Variants in NCAN observed in about 807,000 individuals in gnomAD.
NCAN encodes the protein neurocan, also known as neurocan core protein.
Under a neutral mutation model 121.8 loss-of-function variants are expected in NCAN, and 47 were observed. The ratio of observed to expected loss-of-function variants is 0.39; its 90% CI spans 0.31 to 0.49. The LOEUF (loss-of-function observed/expected upper bound fraction) is 0.49. Among genes scored for constraint, NCAN ranks in the 20% least tolerant of loss-of-function variants. The pLI is 0.92. For synonymous variants in NCAN, 633 were observed against 702.0 expected (o/e 0.90, Z 1.55); for missense variants, 1,517 against 1,773.4 (o/e 0.86, Z 2.60).
intron 8 of NCAN, among the ~76,000 whole-genome samples, chr19:19,233,168 A>C (rs950546723): frequency 1.3e-5 from 2 of 152,110 alleles, no homozygotes; most frequent in African/African-American, 4.8e-5. Flanking sequence ...TCCTGACCTC[A>C]GGTGATCCAC....
rs763050843 is a variant in NCAN at position 19,226,650 on chromosome 19, G to A, written c.1237G>A (p.Glu413Lys). 2 of 1,613,896 alleles carry A rather than the reference G, an allele frequency of 1.2e-6. No homozygotes were observed. The part of the protein sequence containing the change: ...DFQEPLVSSG[E>K]EETLILEEKQ... ...CCAGGAGCCTCTGGTGTCCAGTGGG[G>A]AAGAAGAAACCCTGATTTTGGAGGA... Residue 413 changes from glutamate to lysine, a missense_variant, in exon 7 of 15, where the codon GAA becomes AAA. By Grantham distance (56) the Glu-to-Lys change is moderately conservative. Coordinates refer to ENST00000252575, the MANE Select transcript of NCAN (RefSeq NM_004386.3).
chr19:19,243,991 A>G (rs1392486545), intron 12 of NCAN, among the ~76,000 whole-genome samples: 1 of 152,190 alleles, frequency 6.6e-6, no homozygotes, highest in Non-Finnish European at 1.5e-5. Flanking sequence ...AGATCGCACC[A>G]CTACACTCCA....
At chr19:19,226,377 G>A in intron 6 of NCAN, 109 bp from the exon 7 acceptor site, 1 of 882,732 alleles carries the variant, frequency 1.1e-6, no homozygotes, top group Non-Finnish European at 1.7e-6. Flanking sequence ...GAGAGACAGA[G>A]GTACACAGAA....
At chr19:19,216,405 G>A (rs928542651) in intron 1 of NCAN, among the ~76,000 whole-genome samples, 20 of 151,614 alleles carry the variant, frequency 1.3e-4, no homozygotes, top group Admixed American at 2.0e-4. Flanking sequence ...TCCACCTCCC[G>A]GGTTCAAGTA....
chr19:19,245,678 A>C (rs751394300), intron 13 of NCAN, among the ~76,000 whole-genome samples: 8 of 151,906 alleles, frequency 5.3e-5, no homozygotes, highest in Non-Finnish European at 8.8e-5. Context: ...GGGTCTTGCC[A>C]TGTTGCCCAG....
chr19:19,252,101 G>A lies in NCAN; in HGVS notation c.*2190G>A, dbSNP rs1276713463. 2 of 152,902 alleles carry A rather than the reference G, an allele frequency of 1.3e-5. No individual in the cohort carries two copies. Among genetic ancestry groups the A allele is most frequent in the Admixed American group, 6.5e-5 (1 of 15,282 alleles). The allele number at this position is 152,902 out of a possible 1,614,324, so 9.5% of individuals were successfully genotyped here. On this transcript the variant is annotated 3_prime_UTR_variant, in exon 15 of 15. Transcript: ENST00000252575. ...CCATGTGCGTGGCACGCATATGAGTGTGTGTGCGTGTGAACGGCTTTGGGT... is the reference window on the plus strand; with the variant it reads ...CCATGTGCGTGGCACGCATATGAGTATGTGTGCGTGTGAACGGCTTTGGGT...
At chr19:19,235,405 G>T (rs756604029) in intron 10 of NCAN, among the ~76,000 whole-genome samples, 1 of 151,924 alleles carries the variant, frequency 6.6e-6, no homozygotes. Context: ...CAAGTAGCTG[G>T]GATTACAGGC....
rs1453141000 is a variant in NCAN at position 19,227,333 on chromosome 19, G to A, written c.1713G>A (p.Met571Ile). The change falls in exon 8 of 15, where the codon ATG becomes ATA. Residue 571 changes from methionine to isoleucine, a missense_variant. Transcript: ENST00000252575. The surrounding 1 kb of genome is among the most constrained non-coding windows in gnomAD (Gnocchi z 4.2). The part of the protein sequence containing the change: ...SPEPWLWPPT[M>I]VPPSISGHSR... The stretch of plus-strand genomic sequence containing the variant: ...AGCCCTGGCTGTGGCCCCCTACCAT[G>A]GTCCCACCCAGCATCTCAGGCCACA... 2 of 1,606,012 alleles carry A rather than the reference G, an allele frequency of 1.2e-6. No individual in the cohort carries two copies. The highest frequency in any genetic ancestry group is 2.7e-5 in the African/African-American group (2 of 74,672).
chr19:19,238,399 A>C lies in NCAN; in HGVS notation c.3397A>C (p.Ser1133Arg). 1 of 1,614,156 alleles carries C rather than the reference A, an allele frequency of 6.2e-7. No individual in the cohort carries two copies. The highest frequency in any genetic ancestry group is 8.5e-7 in the Non-Finnish European group (1 of 1,180,028). Residue 1133 changes from serine to arginine, a missense_variant, in exon 11 of 15, where the codon AGC becomes CGC. Ser to Arg is a moderately radical substitution (Grantham distance 110). Coordinates refer to ENST00000252575, the MANE Select transcript of NCAN (RefSeq NM_004386.3). ...CAGCGTCCACTCACCGGAGGAACAC[A>C]GCTTCATTAATAGTAGGGGCTCTGG... is the stretch of plus-strand genomic sequence containing the variant. ...LTSVHSPEEHSFINSFGHENT... is the reference protein window; with the variant it reads ...LTSVHSPEEHRFINSFGHENT...
chr19:19,232,102 G>A (rs10403859), intron 8 of NCAN, among the ~76,000 whole-genome samples: 10,745 of 152,132 alleles, frequency 0.071, 672 homozygotes, highest in African/African-American at 0.16. Flanking sequence ...AGAAGGGGCA[G>A]TCAGAGAGGT....
rs1423794302 is a variant in NCAN, at chr19:19,227,363, G to A, written c.1743G>A (p.Arg581=). 6.2e-7 allele frequency: 1 copy of A among 1,613,368 alleles called. No individual in the cohort carries two copies. Among genetic ancestry groups the A allele is most frequent in the South Asian group, 1.1e-5 (1 of 91,038 alleles). ...CACCCAGCATCTCAGGCCACAGCAG[G>A]GCCCCTGTCCTGGAGCTAGAGAAAG... ...MVPPSISGHS[R]APVLELEKAE... The change falls in exon 8 of 15, where the codon AGG becomes AGA. Residue 581 remains arginine, a synonymous_variant. Transcript: ENST00000252575. This position sits in a 1 kb window ranked among gnomAD's most constrained non-coding sequence, Gnocchi z 4.2.
chr19:19,227,683 G>T lies in NCAN; in HGVS notation c.2063G>T (p.Gly688Val). 1 of 1,614,002 alleles carries T rather than the reference G, an allele frequency of 6.2e-7. No homozygotes were observed. Among genetic ancestry groups the T allele is most frequent in the Non-Finnish European group, 8.5e-7 (1 of 1,180,026 alleles). ...YSLPLSLTPT[G>V]QGGEAMPTTP... ...CTGCCTCTCTCTTTGACCCCAACAG[G>T]ACAGGGTGGAGAGGCCATGCCCACA... The change falls in exon 8 of 15, where the codon GGA (glycine) becomes GTA (valine). Residue 688 changes from glycine to valine, a missense_variant. Transcript: ENST00000252575. This position sits in a 1 kb window ranked among gnomAD's most constrained non-coding sequence, Gnocchi z 4.2.
At position 19,225,777 on chromosome 19, in the gene NCAN, C is replaced by T. The variant is rs2060834469; in HGVS notation, c.1072+507C>T. On this transcript the variant is annotated intron_variant, in intron 6 of 14. Transcript: ENST00000252575. The surrounding 1 kb of genome is among the most constrained non-coding windows in gnomAD (Gnocchi z 4.0). Reference sequence around the variant, plus strand: ...GGAGCCATGTCCTCTAAGTAAGCTGCCCCAGTCCTGGCATGGGCATACCAT... The same window carrying T: ...GGAGCCATGTCCTCTAAGTAAGCTGTCCCAGTCCTGGCATGGGCATACCAT... Among the ~76,000 whole-genome samples the T allele has an allele frequency of 6.6e-6, 1 of 152,178 alleles. No homozygotes were observed. Among genetic ancestry groups the T allele is most frequent in the Non-Finnish European group, 1.5e-5 (1 of 68,012 alleles).
chr19:19,238,476 T>TTGCCA, intron 11 of NCAN, 65 bp downstream of exon 11: 1 of 1,593,124 alleles, frequency 6.3e-7, no homozygotes, highest in Non-Finnish European at 8.6e-7. Context: ...TGTAGCCCTT[T>TTGCCA]TGCCAGGGCA....
At chr19:19,222,154 C>T (rs752312442) in intron 3 of NCAN, among the ~76,000 whole-genome samples, 3 of 152,142 alleles carry the variant, frequency 2.0e-5, no homozygotes, top group Non-Finnish European at 4.4e-5. Flanking sequence ...AACCAGTCAT[C>T]CCCTTTCAGA....
intron 8 of NCAN, among the ~76,000 whole-genome samples, chr19:19,232,234 A>G (rs1054960570): frequency 9.9e-5 from 15 of 152,160 alleles, no homozygotes; most frequent in Non-Finnish European, 1.8e-4. Context: ...CCACAGCAGG[A>G]TGGAGATTGG....
rs144284492 is a variant in NCAN, at chr19:19,227,756, C to T, written c.2136C>T (p.Ser712=). The change falls in exon 8 of 15, where the codon AGC becomes AGT. Residue 712 remains serine (S), a synonymous_variant. Transcript: ENST00000252575. The surrounding 1 kb of genome is among the most constrained non-coding windows in gnomAD (Gnocchi z 4.2). Reference sequence around the variant, plus strand: ...ACTTCAGAGAAACTGGGGAGACCAGCCCTGCTCAGGTCAACAAAGCTGAGC... The same window carrying T: ...ACTTCAGAGAAACTGGGGAGACCAGTCCTGCTCAGGTCAACAAAGCTGAGC... ...RADFRETGET[S]PAQVNKAEHS... 2.4e-5 allele frequency: 38 copies of T among 1,613,622 alleles called. 1 individual carries two copies. The highest frequency in any genetic ancestry group is 3.1e-5 in the Non-Finnish European group (37 of 1,180,034).
rs757496531 is a variant in NCAN, at chr19:19,227,346, A to G, written c.1726A>G (p.Ile576Val). 29 of 1,611,578 alleles carry G rather than the reference A, an allele frequency of 1.8e-5. No individual in the cohort carries two copies. The South Asian group carries it at 3.1e-4, about 17-fold the overall frequency. The change falls in exon 8 of 15, where the codon ATC becomes GTC. Residue 576 changes from isoleucine to valine, a missense_variant. By Grantham distance (29) the Ile-to-Val change is conservative (BLOSUM62 3). Coordinates refer to ENST00000252575, the MANE Select transcript of NCAN (RefSeq NM_004386.3). The surrounding 1 kb of genome is among the most constrained non-coding windows in gnomAD (Gnocchi z 4.2). ...LWPPTMVPPS[I>V]SGHSRAPVLE... ...GCCCCCTACCATGGTCCCACCCAGC[A>G]TCTCAGGCCACAGCAGGGCCCCTGT...
chr19:19,234,986 T>A lies in NCAN; in HGVS notation c.3140T>A (p.Ile1047Asn). 6.2e-7 allele frequency: 1 copy of A among 1,608,026 alleles called. No homozygotes were observed. The highest frequency in any genetic ancestry group is 2.2e-5 in the East Asian group (1 of 44,770). ...GFAGENCEID[I>N]DDCLCSPCEN... Reference sequence around the variant, plus strand: ...AGTCTCTTCCCCTCTCTGCCAGACATTGATGACTGCCTCTGCAGCCCCTGT... The same window carrying A: ...AGTCTCTTCCCCTCTCTGCCAGACAATGATGACTGCCTCTGCAGCCCCTGT... Residue 1047 changes from isoleucine (I) to asparagine (N), a missense_variant, in exon 10 of 15, where the codon ATT becomes AAT. Physicochemically the swap from Ile to Asn is moderately radical, Grantham distance 149 (BLOSUM62 -3). Transcript: ENST00000252575.
Sources: allele counts gnomAD v4.1 joint callset (sites outside exome capture counted in the v4.1 genomes callset), GRCh38; gene constraint gnomAD v4.1.1; non-coding constraint Gnocchi (gnomAD v3.1); transcripts MANE v1.5; gene names NCBI Gene and HGNC (gene_info 2026-07-23, HGNC 2026-07-21).